BCHE: variants seen among roughly 807,000 people sequenced by gnomAD.
BCHE encodes butyrylcholinesterase.
Under a neutral mutation model 51.3 loss-of-function variants are expected in BCHE, and 48 were observed. That is an observed-to-expected ratio of 0.94 (90% CI 0.74 to 1.19). The LOEUF (loss-of-function observed/expected upper bound fraction) is 1.19, where lower values mean the gene tolerates loss of function less well. Among genes scored for constraint, BCHE ranks in the 50% most tolerant of loss-of-function variants. The probability of loss-of-function intolerance (pLI) is 0.00; values close to 1 mark genes in which losing one functional copy is unlikely to be tolerated. For synonymous variants in BCHE, 251 were observed against 238.0 expected (o/e 1.05, Z -0.50); for missense variants, 847 against 708.2 (o/e 1.20, Z -2.23).
At chr3:165,828,857 G>GT (rs545873402) in intron 2 of BCHE, among the ~76,000 whole-genome samples, 297 of 152,176 alleles carry the variant, frequency 2.0e-3, no homozygotes, top group Admixed American at 5.6e-3. Flanking sequence ...GGGGAAATAT[G>GT]TTTTTTGTAA....
intron 2 of BCHE, among the ~76,000 whole-genome samples, chr3:165,806,204 A>G (rs1284857739): frequency 6.6e-6 from 1 of 152,156 alleles, no homozygotes; most frequent in Non-Finnish European, 1.5e-5. Context: ...TTACAAATGT[A>G]CAGTCTGGTT....
intron 2 of BCHE, among the ~76,000 whole-genome samples, chr3:165,825,816 A>T (rs946621379): frequency 3.9e-5 from 6 of 152,120 alleles, no homozygotes; most frequent in African/African-American, 1.4e-4. Context: ...TCAATGAGAG[A>T]TAAACCCAAT....
At chr3:165,785,413 A>G (rs1482456790) in intron 3 of BCHE, among the ~76,000 whole-genome samples, 1 of 151,868 alleles carries the variant, frequency 6.6e-6, no homozygotes, top group African/African-American at 2.4e-5. Context: ...TTGTCAGAGA[A>G]GATCAAACTA....
chr3:165,795,721 C>G (rs1383770424), intron 2 of BCHE, among the ~76,000 whole-genome samples: 2 of 151,968 alleles, frequency 1.3e-5, no homozygotes, highest in Non-Finnish European at 2.9e-5. Context: ...CCTAGAGGGA[C>G]AGGATTATAA....
At position 165,831,018 on chromosome 3, in the gene BCHE, T is replaced by A. The variant is rs55950599; in HGVS notation, c.16A>T (p.Thr6Ser). The change falls in exon 2 of 4, where the codon ACA becomes TCA. Residue 6 changes from threonine to serine, a missense_variant. Transcript: ENST00000264381. MHSKV[T>S]IICIRFLFWF... Reference sequence around the variant, plus strand: ...AAGAGAAATCTGATGCATATGATTGTGACTTTGCTATGCATATTGATTTCT... The same window carrying A: ...AAGAGAAATCTGATGCATATGATTGAGACTTTGCTATGCATATTGATTTCT... 621 of 1,612,432 alleles carry A rather than the reference T, an allele frequency of 3.9e-4. 3 individuals carry two copies. The African/African-American group carries it at 7.6e-3, about 20-fold the overall frequency.
chr3:165,803,212 G>T (rs1170645604), intron 2 of BCHE, among the ~76,000 whole-genome samples: 1 of 152,120 alleles, frequency 6.6e-6, no homozygotes, highest in East Asian at 1.9e-4. Context: ...TAATAATGTC[G>T]TAGGTACTGG....
rs568915415 is a variant in BCHE, at chr3:165,786,361, T to G, written c.1518-50A>C. The G allele has an allele frequency of 3.4e-6, 5 of 1,487,280 alleles. No homozygotes were observed. In the African/African-American group the frequency reaches 7.0e-5, roughly 21 times the overall value. 92.1% of individuals were successfully genotyped at this position (1,487,280 alleles called of 1,614,324 possible). On this transcript the variant is annotated intron_variant, in intron 2 of 3. Coordinates refer to ENST00000264381, the MANE Select transcript of BCHE (RefSeq NM_000055.4). ...TAGTAAAATTGAAATCATTGTTAGA[T>G]TAAAAAGAATATTGTTTTCTAACAC... is the stretch of plus-strand genomic sequence containing the variant.
At position 165,831,010 on chromosome 3, in the gene BCHE, T is replaced by C. The variant is rs776735567; in HGVS notation, c.24A>G (p.Ile8Met). The C allele has an allele frequency of 3.1e-6, 5 of 1,612,898 alleles. No individual in the cohort carries two copies. Among genetic ancestry groups the C allele is most frequent in the Non-Finnish European group, 4.2e-6 (5 of 1,179,678 alleles). Residue 8 changes from isoleucine (I) to methionine (M), a missense_variant, in exon 2 of 4, where the codon ATA becomes ATG. Physicochemically the swap from Ile to Met is conservative, Grantham distance 10. Coordinates refer to ENST00000264381, the MANE Select transcript of BCHE (RefSeq NM_000055.4). The stretch of plus-strand genomic sequence containing the variant: ...GAAACCAAAAGAGAAATCTGATGCA[T>C]ATGATTGTGACTTTGCTATGCATAT... Reference protein sequence around the residue: MHSKVTIICIRFLFWFLL... With the variant: MHSKVTIMCIRFLFWFLL...
intron 2 of BCHE, among the ~76,000 whole-genome samples, chr3:165,816,736 T>G (rs1250496855): frequency 6.6e-6 from 1 of 152,050 alleles, no homozygotes; most frequent in East Asian, 1.9e-4. Flanking sequence ...GATACCATGT[T>G]CTCCTAGTTG....
At chr3:165,774,215 C>G (rs1174834706) in intron 3 of BCHE, among the ~76,000 whole-genome samples, 1 of 151,994 alleles carries the variant, frequency 6.6e-6, no homozygotes, top group Non-Finnish European at 1.5e-5. Flanking sequence ...TTGGTTAAAT[C>G]CATGGATGTG....
rs546366308 is a variant in BCHE at position 165,783,384 on chromosome 3, C to A, written c.1684+2761G>T. On this transcript the variant is annotated intron_variant, in intron 3 of 3. Transcript: ENST00000264381. ...ACTTGATTATTAAGTTATTCGAAGC[C>A]ACTTGTTTATTTGTTTTGTTTTGCT... is the stretch of plus-strand genomic sequence containing the variant. Among the ~76,000 whole-genome samples the A allele has an allele frequency of 3.9e-5, 6 of 152,142 alleles. No individual in the cohort carries two copies. The South Asian group carries it at 1.0e-3, about 26-fold the overall frequency.
intron 2 of BCHE, among the ~76,000 whole-genome samples, chr3:165,814,726 C>G (rs1714236340): frequency 6.6e-6 from 1 of 151,916 alleles, no homozygotes; most frequent in South Asian, 2.1e-4. Context: ...AATTTTGTTC[C>G]TTGGGGCTAC....
chr3:165,820,700 T>A (rs1421862923), intron 2 of BCHE, among the ~76,000 whole-genome samples: 2 of 151,976 alleles, frequency 1.3e-5, no homozygotes, highest in African/African-American at 2.4e-5. Flanking sequence ...ATTATAAGTC[T>A]GATAATAATT....
At chr3:165,791,703 A>G (rs2108206598) in intron 2 of BCHE, among the ~76,000 whole-genome samples, 1 of 152,302 alleles carries the variant, frequency 6.6e-6, no homozygotes, top group East Asian at 1.9e-4. Context: ...TTGTAATCCC[A>G]TCACTTTGGG....
intron 2 of BCHE, among the ~76,000 whole-genome samples, chr3:165,808,821 A>C (rs1221482157): frequency 6.6e-6 from 1 of 152,198 alleles, no homozygotes; most frequent in Non-Finnish European, 1.5e-5. Flanking sequence ...ACAACCAAAA[A>C]GACTAATTTT....
chr3:165,791,484 T>G (rs1713162983), intron 2 of BCHE, among the ~76,000 whole-genome samples: 1 of 152,108 alleles, frequency 6.6e-6, no homozygotes, highest in Non-Finnish European at 1.5e-5. Context: ...ATTAGTCAGA[T>G]CTTACATGTA....
At chr3:165,808,694 G>T (rs1713966032) in intron 2 of BCHE, among the ~76,000 whole-genome samples, 1 of 152,040 alleles carries the variant, frequency 6.6e-6, no homozygotes, top group African/African-American at 2.4e-5. Flanking sequence ...AGCTCTGGGT[G>T]GTTGAGGCTG....
At chr3:165,815,082 T>C (rs1400451244) in intron 2 of BCHE, among the ~76,000 whole-genome samples, 1 of 150,228 alleles carries the variant, frequency 6.7e-6, no homozygotes, top group East Asian at 1.9e-4. Flanking sequence ...ATATTACATA[T>C]ATATATTCCT....
intron 2 of BCHE, among the ~76,000 whole-genome samples, chr3:165,805,214 A>G (rs1017043392): frequency 6.6e-6 from 1 of 152,126 alleles, no homozygotes; most frequent in Non-Finnish European, 1.5e-5. Flanking sequence ...ATATATACAT[A>G]TATATGGCTC....
Sources: gnomAD v4.1 joint callset for allele counts (sites outside exome capture counted in the v4.1 genomes callset) on GRCh38, gnomAD v4.1.1 for gene constraint, MANE v1.5 for transcripts, NCBI Gene and HGNC (gene_info 2026-07-23, HGNC 2026-07-21) for gene names.